Variants in MIER1 observed in about 807,000 individuals in gnomAD.
MIER1 encodes MIER1 transcriptional regulator.
A neutral mutation model predicts 75.7 loss-of-function variants in MIER1; 40 were observed. That is an observed-to-expected ratio of 0.53 (90% CI 0.41 to 0.69). The LOEUF (loss-of-function observed/expected upper bound fraction) is 0.69, where lower values mean the gene tolerates loss of function less well. Ranked by LOEUF, MIER1 falls within the 30% of genes least tolerant of loss-of-function variation. MIER1 has a pLI of 0.00. For synonymous variants in MIER1, 213 were observed against 223.4 expected (o/e 0.95, Z 0.42); for missense variants, 574 against 680.2 (o/e 0.84, Z 1.74).
intron 8 of MIER1, among the ~76,000 whole-genome samples, chr1:66,967,362 T>TA (rs766971498): frequency 9.2e-5 from 14 of 152,188 alleles, no homozygotes; most frequent in Non-Finnish European, 1.8e-4. Flanking sequence ...GTATGTCTTA[T>TA]TTTTATGCCA....
At chr1:66,970,381 A>G (rs1244114153) in intron 8 of MIER1, among the ~76,000 whole-genome samples, 1 of 152,236 alleles carries the variant, frequency 6.6e-6, no homozygotes. Flanking sequence ...AGTTACAGTT[A>G]CAATTACAGG....
At chr1:66,975,991 TG>T (rs1486310530) in intron 11 of MIER1, among the ~76,000 whole-genome samples, 2 of 147,438 alleles carry the variant, frequency 1.4e-5, no homozygotes, top group African/African-American at 5.2e-5. Context: ...GCCTTTTTTT[TG>T]TGTGTGTGTG....
At chr1:66,956,993 A>T (rs1331914708) in intron 4 of MIER1, among the ~76,000 whole-genome samples, 1 of 152,242 alleles carries the variant, frequency 6.6e-6, no homozygotes, top group African/African-American at 2.4e-5. Context: ...CTGCTGGAGA[A>T]ACATAAACCA....
chr1:66,936,236 GT>G (rs967330195), intron 2 of MIER1, among the ~76,000 whole-genome samples: 8 of 151,354 alleles, frequency 5.3e-5, no homozygotes, highest in African/African-American at 1.5e-4. Flanking sequence ...TTTTGTTTTT[GT>G]TTTTTTTGAG....
Position 66,988,117 on chromosome 1 carries a change from G to A in MIER1, c.*3217G>A, listed in dbSNP as rs1667013371. Reference sequence around the variant, plus strand: ...ATATAATAGGCAATATTTACATGGGGTGTGTAACTAAATACCAAATCAGAT... The same window carrying A: ...ATATAATAGGCAATATTTACATGGGATGTGTAACTAAATACCAAATCAGAT... On this transcript the variant is annotated 3_prime_UTR_variant, in exon 14 of 14. Coordinates refer to ENST00000401041, the MANE Select transcript of MIER1 (RefSeq NM_001077700.3). The A allele has an allele frequency of 9.2e-6, 1 of 108,880 alleles. No homozygotes were observed. The highest frequency in any genetic ancestry group is 8.5e-5 in the Admixed American group (1 of 11,814). 6.7% of individuals were successfully genotyped at this position (108,880 alleles called of 1,614,324 possible).
intron 13 of MIER1, 124 bp from the exon 14 acceptor site, chr1:66,984,448 A>G (rs1166555614): frequency 1.0e-5 from 7 of 686,154 alleles, no homozygotes; most frequent in Non-Finnish European, 1.7e-5. Context: ...TAATAGAGCA[A>G]GAATTTAGAC....
intron 3 of MIER1, among the ~76,000 whole-genome samples, chr1:66,945,720 G>A (rs1009526113): frequency 5.9e-5 from 9 of 152,118 alleles, no homozygotes; most frequent in Non-Finnish European, 1.2e-4. Context: ...TAAAAAATTA[G>A]CTGTGTGTTG....
intron 13 of MIER1, among the ~76,000 whole-genome samples, chr1:66,983,295 A>G (rs1666255254): frequency 6.6e-6 from 1 of 152,204 alleles, no homozygotes; most frequent in African/African-American, 2.4e-5. Context: ...TTGTTCCTAC[A>G]GAATTGTTCT....
chr1:66,941,619 A>G (rs1001140732), intron 3 of MIER1, among the ~76,000 whole-genome samples: 30 of 152,346 alleles, frequency 2.0e-4, no homozygotes, highest in African/African-American at 7.0e-4. Flanking sequence ...TGGCTTTCTC[A>G]GTTTCCATTA....
At chr1:66,954,157 A>T (rs1659602766) in intron 4 of MIER1, among the ~76,000 whole-genome samples, 1 of 152,178 alleles carries the variant, frequency 6.6e-6, no homozygotes, top group African/African-American at 2.4e-5. Context: ...TTCTGATCAT[A>T]ATACAGGTGA....
chr1:66,969,879 ATC>A (rs765597507), intron 8 of MIER1, among the ~76,000 whole-genome samples: 10 of 152,288 alleles, frequency 6.6e-5, no homozygotes, highest in African/African-American at 2.4e-4. Context: ...TTCTGCTTCC[ATC>A]TCTCTACAGA....
intron 1 of MIER1, 128 bp from the exon 2 acceptor site, chr1:66,926,014 T>A: frequency 1.4e-6 from 1 of 698,136 alleles, no homozygotes; most frequent in Non-Finnish European, 2.5e-6. Context: ...AATGTTTTTC[T>A]AAAATTGTCA....
rs1468579441 is a variant in MIER1, at chr1:66,976,597, C to A, written c.1104C>A (p.Val368=). ...AAGCAAGCATTTGTTTCTTACAGGTCCGAACAAGGTCAGTTGGTGAATGTG... is the reference window on the plus strand; with the variant it reads ...AAGCAAGCATTTGTTTCTTACAGGTACGAACAAGGTCAGTTGGTGAATGTG... ...KDFHLIQANK[V]RTRSVGECVA... Residue 368 remains valine (V), a splice_region_variant and synonymous_variant, in exon 12 of 14, where the codon GTC becomes GTA. Transcript: ENST00000401041. 6.3e-7 allele frequency: 1 copy of A among 1,576,312 alleles called. No homozygotes were observed. Among genetic ancestry groups the A allele is most frequent in the Admixed American group, 1.9e-5 (1 of 52,388 alleles).
chr1:66,981,696 TAAGA>T, intron 12 of MIER1, 79 bp from the exon 13 acceptor site: 1 of 1,075,082 alleles, frequency 9.3e-7, no homozygotes, highest in Non-Finnish European at 1.4e-6. Context: ...ATATATTTGT[TAAGA>T]AAGCCTTCTG....
In MIER1 at chr1:66,981,877, C is replaced by T. The variant is rs1471438912; in HGVS notation, c.1328C>T (p.Ser443Phe). The T allele has an allele frequency of 1.2e-6, 2 of 1,614,052 alleles. No homozygotes were observed. The highest frequency in any genetic ancestry group is 2.2e-5 in the East Asian group (1 of 44,874). ...PTASNSSNSQ[S>F]EKEDGTVSTA... The stretch of plus-strand genomic sequence containing the variant: ...GCATCAAACAGTAGTAACAGCCAGT[C>T]TGAGAAAGAAGATGGCACTGTAAGC... The change falls in exon 13 of 14, where the codon TCT (serine) becomes TTT (phenylalanine). Residue 443 changes from serine (S) to phenylalanine (F), a missense_variant. By Grantham distance (155) the Ser-to-Phe change is radical. Transcript: ENST00000401041.
chr1:66,933,366 G>A (rs942127456), intron 2 of MIER1, among the ~76,000 whole-genome samples: 1 of 152,234 alleles, frequency 6.6e-6, no homozygotes, highest in East Asian at 1.9e-4. Context: ...AAAATCCATG[G>A]ACAATTCAAG....
At chr1:66,953,774 T>G (rs966241363) in intron 4 of MIER1, among the ~76,000 whole-genome samples, 1 of 151,952 alleles carries the variant, frequency 6.6e-6, no homozygotes, top group African/African-American at 2.4e-5. Flanking sequence ...TGGCTAACTT[T>G]TGTATTTTTA....
intron 10 of MIER1, among the ~76,000 whole-genome samples, chr1:66,972,599 GAAGT>G (rs1219157621): frequency 6.6e-6 from 1 of 152,004 alleles, no homozygotes; most frequent in Non-Finnish European, 1.5e-5. Context: ...CACAAAGTCT[GAAGT>G]AAGAAAGAAC....
Position 66,928,152 on chromosome 1 carries a change from G to GT in MIER1, c.168+1917dup, listed in dbSNP as rs557376754. Among the ~76,000 whole-genome samples, 7 of 152,018 alleles carry GT rather than the reference G, an allele frequency of 4.6e-5. No homozygotes were observed. The East Asian group carries it at 1.2e-3, about 25-fold the overall frequency. On this transcript the variant is annotated intron_variant, in intron 2 of 13. Coordinates refer to ENST00000401041, the MANE Select transcript of MIER1 (RefSeq NM_001077700.3). ...AAGGGGAAGGGGAAAAATGTAGAGA[G>GT]TTTTTTTCCCTCAATAATAATAATA...
Sources: gnomAD v4.1 joint callset for allele counts (sites outside exome capture counted in the v4.1 genomes callset) on GRCh38, gnomAD v4.1.1 for gene constraint, MANE v1.5 for transcripts, NCBI Gene and HGNC (gene_info 2026-07-23, HGNC 2026-07-21) for gene names.